The following GPC6 variants were observed in gnomAD, a reference collection of about 807,000 sequenced individuals.
GPC6 encodes the protein glypican-6.
In GPC6, 14 loss-of-function variants were observed where a neutral mutation model predicts 55.2. The ratio of observed to expected loss-of-function variants is 0.25; its 90% CI spans 0.17 to 0.40. The LOEUF (loss-of-function observed/expected upper bound fraction) is 0.40. Ranked by LOEUF, GPC6 falls within the 10% of genes least tolerant of loss-of-function variation. The pLI is 1.00. For missense variants in GPC6, 641 were observed against 708.5 expected (o/e 0.90, Z 1.08); for synonymous variants, 278 against 259.6 (o/e 1.07, Z -0.68).
chr13:93,590,585 G>A (rs147404654), intron 2 of GPC6, among the ~76,000 whole-genome samples: 264 of 151,776 alleles, frequency 1.7e-3, no homozygotes, highest in African/African-American at 5.7e-3. Context: ...ATTTCTTTTC[G>A]ATAACAATAA....
intron 3 of GPC6, among the ~76,000 whole-genome samples, chr13:93,870,275 T>C (rs934891062): frequency 1.3e-5 from 2 of 151,872 alleles, no homozygotes; most frequent in Non-Finnish European, 2.9e-5. Flanking sequence ...GTGTGGCTCA[T>C]AGACATGTCT....
intron 7 of GPC6, among the ~76,000 whole-genome samples, chr13:94,386,598 A>T (rs1189281366): frequency 2.6e-5 from 4 of 152,198 alleles, no homozygotes; most frequent in Non-Finnish European, 5.9e-5. Context: ...TCTAAAAAAT[A>T]AAAATAAAAA....
intron 3 of GPC6, among the ~76,000 whole-genome samples, chr13:93,927,434 A>T (rs1450975724): frequency 2.0e-5 from 3 of 152,084 alleles, no homozygotes; most frequent in Non-Finnish European, 4.4e-5. Flanking sequence ...TGGAAAGGAG[A>T]GTAGTTAAAT....
At chr13:93,236,409 G>A (rs781639158) in intron 1 of GPC6, among the ~76,000 whole-genome samples, 1 of 151,726 alleles carries the variant, frequency 6.6e-6, no homozygotes, top group South Asian at 2.1e-4. Flanking sequence ...CTTAGTCTCC[G>A]GTGTCTATTA....
intron 2 of GPC6, among the ~76,000 whole-genome samples, chr13:93,680,823 C>A (rs1023868102): frequency 1.3e-5 from 2 of 152,062 alleles, no homozygotes; most frequent in African/African-American, 4.8e-5. Flanking sequence ...TCGTTTTTGG[C>A]CTCCCTTTTT....
intron 1 of GPC6, among the ~76,000 whole-genome samples, chr13:93,311,822 A>G (rs1879076954): frequency 6.6e-6 from 1 of 152,164 alleles, no homozygotes; most frequent in South Asian, 2.1e-4. Context: ...TCATACTTCA[A>G]GAATCATTAA....
chr13:93,825,860 C>CTTTTTTTTTTTTTTTTTTTTTTTTTTTT (rs1029574657), intron 2 of GPC6, among the ~76,000 whole-genome samples: 58 of 124,158 alleles, frequency 4.7e-4, no homozygotes, highest in Non-Finnish European at 7.4e-4. Context: ...TTATTATTTT[C>CTTTTTTTTTTTTTTTTTTTTTTTTTTTT]TTTTTTTTTT....
At chr13:94,268,144 A>G (rs1891874027) in intron 4 of GPC6, among the ~76,000 whole-genome samples, 2 of 152,226 alleles carry the variant, frequency 1.3e-5, no homozygotes, top group African/African-American at 4.8e-5. Flanking sequence ...AAATGATGTT[A>G]GTAGTTCCAA....
intron 2 of GPC6, among the ~76,000 whole-genome samples, chr13:93,790,367 G>T (rs1885991659): frequency 6.6e-6 from 1 of 152,104 alleles, no homozygotes; most frequent in Non-Finnish European, 1.5e-5. Flanking sequence ...ACAGATTCCT[G>T]TATATTTATT....
intron 1 of GPC6, among the ~76,000 whole-genome samples, chr13:93,245,464 A>G (rs1405552669): frequency 6.6e-6 from 1 of 152,212 alleles, no homozygotes; most frequent in African/African-American, 2.4e-5. Context: ...ACTATGCACC[A>G]GAATCACCGA....
At chr13:93,767,094 AATT>A (rs374208186) in intron 2 of GPC6, among the ~76,000 whole-genome samples, 11 of 152,126 alleles carry the variant, frequency 7.2e-5, no homozygotes, top group African/African-American at 2.4e-4. Flanking sequence ...TCAGTGACAT[AATT>A]ATTTCTTTTT....
At chr13:93,473,418 C>G (rs575813417) in intron 1 of GPC6, among the ~76,000 whole-genome samples, 1 of 152,166 alleles carries the variant, frequency 6.6e-6, no homozygotes. Flanking sequence ...GGCCCCAACC[C>G]CACTACAAGA....
intron 7 of GPC6, among the ~76,000 whole-genome samples, chr13:94,389,376 A>G (rs1203380523): frequency 6.6e-6 from 1 of 151,986 alleles, no homozygotes; most frequent in Non-Finnish European, 1.5e-5. Context: ...GAAAAGAATG[A>G]TTAGATAGGA....
chr13:94,052,508 T>C (rs1296148729), intron 4 of GPC6, among the ~76,000 whole-genome samples: 4 of 152,168 alleles, frequency 2.6e-5, no homozygotes, highest in Non-Finnish European at 5.9e-5. Flanking sequence ...TTCAACTTCA[T>C]GTTGTAGGAC....
intron 3 of GPC6, among the ~76,000 whole-genome samples, chr13:93,831,659 C>T (rs72644408): frequency 0.015 from 2,285 of 151,886 alleles, 45 homozygotes; most frequent in Non-Finnish European, 0.017. Context: ...CAGTAAAATC[C>T]GTAATAGCCC....
At chr13:93,524,233 A>G (rs555437730) in intron 1 of GPC6, among the ~76,000 whole-genome samples, 6 of 152,138 alleles carry the variant, frequency 3.9e-5, no homozygotes, top group South Asian at 2.1e-4. Flanking sequence ...ACTTTGTCCA[A>G]CACTCAGAAT....
At chr13:94,335,208 A>G (rs1035355106) in intron 6 of GPC6, among the ~76,000 whole-genome samples, 3 of 152,244 alleles carry the variant, frequency 2.0e-5, no homozygotes, top group African/African-American at 7.2e-5. Context: ...AGGATCAGAA[A>G]GAAGTCCCTA....
chr13:93,990,447 T>C (rs1310222634), intron 3 of GPC6, among the ~76,000 whole-genome samples: 1 of 152,016 alleles, frequency 6.6e-6, no homozygotes, highest in Non-Finnish European at 1.5e-5. Context: ...GAGGATAAAA[T>C]GTACAGTTGG....
At chr13:94,263,976 A>G (rs551422573) in intron 4 of GPC6, among the ~76,000 whole-genome samples, 3 of 152,100 alleles carry the variant, frequency 2.0e-5, no homozygotes, top group Admixed American at 6.5e-5. Context: ...TTTGAAATTG[A>G]GTCTGTGGCT....
Sources: allele counts gnomAD v4.1 joint callset (sites outside exome capture counted in the v4.1 genomes callset), GRCh38; gene constraint gnomAD v4.1.1; transcripts MANE v1.5; gene names NCBI Gene and HGNC (gene_info 2026-07-23, HGNC 2026-07-21).